TENM2: variants seen among roughly 807,000 people sequenced by gnomAD.
TENM2 encodes the protein teneurin transmembrane protein 2, also known as teneurin-2.
TENM2 carries 52 observed loss-of-function variants against 245.2 expected under a neutral mutation model. The ratio of observed to expected loss-of-function variants is 0.21; its 90% CI spans 0.17 to 0.27. The LOEUF (loss-of-function observed/expected upper bound fraction) is 0.27. Among genes scored for constraint, TENM2 ranks in the 10% least tolerant of loss-of-function variants. The pLI is 1.00. For missense variants in TENM2, 3,046 were observed against 3,666.8 expected (o/e 0.83, Z 4.37); for synonymous variants, 1,363 against 1,438.9 (o/e 0.95, Z 1.19).
the TENM2 span, among the ~76,000 whole-genome samples, chr5:166,995,510 G>C: frequency 4.0e-5 from 6 of 151,890 alleles, no homozygotes; most frequent in African/African-American, 1.4e-4. Context: ...CAAAGTGCTG[G>C]GATTACAGGC....
intron 2 of TENM2, among the ~76,000 whole-genome samples, chr5:167,723,122 TA>T (rs143020176): frequency 0.03 from 4,582 of 152,304 alleles, 212 homozygotes; most frequent in African/African-American, 0.1. Context: ...GGCTATTTTT[TA>T]GTCTGTGCCT....
intron 3 of TENM2, among the ~76,000 whole-genome samples, chr5:167,923,427 C>T (rs945095682): frequency 6.6e-6 from 1 of 152,098 alleles, no homozygotes; most frequent in African/African-American, 2.4e-5. Flanking sequence ...TGCCAACAGC[C>T]TTGTTTGCAT....
chr5:167,179,776 C>T, the TENM2 span, among the ~76,000 whole-genome samples: 1 of 152,152 alleles, frequency 6.6e-6, no homozygotes, highest in Admixed American at 6.6e-5. Context: ...TTGAAAGTTT[C>T]AGGTCCTTAG....
At chr5:167,675,470 G>A (rs544237472) in intron 2 of TENM2, among the ~76,000 whole-genome samples, 9 of 152,204 alleles carry the variant, frequency 5.9e-5, no homozygotes, top group Admixed American at 2.0e-4. Flanking sequence ...CTATGTCTGA[G>A]TGTTCAACGA....
At chr5:167,390,131 C>T (rs1254762952) in intron 2 of TENM2, among the ~76,000 whole-genome samples, 4 of 152,122 alleles carry the variant, frequency 2.6e-5, no homozygotes, top group South Asian at 2.1e-4. Context: ...CAAAAGCATG[C>T]GACTTATTTT....
At chr5:167,307,052 T>C (rs1755722871) in intron 1 of TENM2, among the ~76,000 whole-genome samples, 1 of 152,172 alleles carries the variant, frequency 6.6e-6, no homozygotes, top group South Asian at 2.1e-4. Flanking sequence ...GTTGACTGAC[T>C]ATGTGAAAAC....
chr5:167,644,179 A>T (rs1046760662), intron 2 of TENM2, among the ~76,000 whole-genome samples: 2 of 152,216 alleles, frequency 1.3e-5, no homozygotes, highest in Admixed American at 6.5e-5. Context: ...AAATTACATT[A>T]AAAAAGCTTC....
At chr5:167,099,312 G>T in the TENM2 span, among the ~76,000 whole-genome samples, 1 of 152,292 alleles carries the variant, frequency 6.6e-6, no homozygotes, top group African/African-American at 2.4e-5. Context: ...AGGGTTAATT[G>T]TAATTGTCAT....
chr5:167,478,729 A>G (rs567470230), intron 2 of TENM2, among the ~76,000 whole-genome samples: 1 of 152,338 alleles, frequency 6.6e-6, no homozygotes, highest in African/African-American at 2.4e-5. Context: ...TATGGAAGAT[A>G]TTAGTAGCAA....
At chr5:167,828,223 C>T (rs1229610663) in intron 2 of TENM2, among the ~76,000 whole-genome samples, 2 of 152,158 alleles carry the variant, frequency 1.3e-5, no homozygotes, top group Non-Finnish European at 2.9e-5. Context: ...GTCCTGCTGA[C>T]TTGAAGTTCT....
intron 2 of TENM2, among the ~76,000 whole-genome samples, chr5:167,801,742 T>G (rs1765792922): frequency 1.3e-5 from 2 of 152,118 alleles, no homozygotes; most frequent in Non-Finnish European, 2.9e-5. Flanking sequence ...TTGATTTGTA[T>G]GTATGGACTG....
At chr5:168,096,017 C>T (rs994284223) in intron 8 of TENM2, among the ~76,000 whole-genome samples, 14 of 152,260 alleles carry the variant, frequency 9.2e-5, no homozygotes, top group Admixed American at 7.8e-4. Flanking sequence ...TTACTGAACC[C>T]GAGCCTCTTA....
intron 2 of TENM2, among the ~76,000 whole-genome samples, chr5:167,648,900 G>A (rs1037950239): frequency 3.9e-5 from 6 of 152,186 alleles, no homozygotes; most frequent in African/African-American, 1.4e-4. Flanking sequence ...AGGCAAATGA[G>A]AAGGGCTCGG....
At chr5:167,349,440 G>T (rs988189586) in intron 1 of TENM2, among the ~76,000 whole-genome samples, 1 of 152,206 alleles carries the variant, frequency 6.6e-6, no homozygotes, top group Non-Finnish European at 1.5e-5. Context: ...TCTTTGCAGT[G>T]TGCCACACCA....
chr5:167,246,256 A>G, the TENM2 span, among the ~76,000 whole-genome samples: 39,576 of 152,034 alleles, frequency 0.26, 6,239 homozygotes, highest in East Asian at 0.46. Context: ...TGCTACCTCT[A>G]TAAACCCAAA....
chr5:167,462,181 A>C (rs982987813), intron 2 of TENM2, among the ~76,000 whole-genome samples: 15,848 of 74,508 alleles, frequency 0.21, 418 homozygotes, highest in African/African-American at 0.23. Flanking sequence ...CCTGACCCCC[A>C]CCCCCCCCCC....
exon 29 of TENM2, chr5:168,262,146 G>T (rs772013043): frequency 1.2e-6 from 2 of 1,613,712 alleles, no homozygotes; most frequent in Middle Eastern, 1.7e-4. Flanking sequence ...GCCAGCATCC[G>T]AGAGAAAGCA....
At chr5:167,130,719 ATGTC>A in the TENM2 span, among the ~76,000 whole-genome samples, 2 of 151,836 alleles carry the variant, frequency 1.3e-5, no homozygotes, top group African/African-American at 2.4e-5. Flanking sequence ...ATTCCCTCCA[ATGTC>A]TGTTGTGAAT....
chr5:167,889,432 G>A (rs1478388053), intron 3 of TENM2, among the ~76,000 whole-genome samples: 1 of 152,144 alleles, frequency 6.6e-6, no homozygotes, highest in Non-Finnish European at 1.5e-5. Context: ...CATCTGATTG[G>A]ATACCGTGTT....
Sources: gnomAD v4.1 joint callset for allele counts (sites outside exome capture counted in the v4.1 genomes callset) on GRCh38, gnomAD v4.1.1 for gene constraint, MANE v1.5 for transcripts, NCBI Gene and HGNC (gene_info 2026-07-23, HGNC 2026-07-21) for gene names.